EYS: variants seen among roughly 807,000 people sequenced by gnomAD.
EYS encodes the protein protein eyes shut homolog.
EYS carries 250 observed loss-of-function variants against 282.1 expected under a neutral mutation model. That is an observed-to-expected ratio of 0.89 (90% CI 0.80 to 0.98). EYS has a LOEUF of 0.98. Among genes scored for constraint, EYS ranks in the 50% least tolerant of loss-of-function variants. The probability of loss-of-function intolerance (pLI) is 0.00; values close to 1 mark genes in which losing one functional copy is unlikely to be tolerated. For missense variants in EYS, 4,016 were observed against 3,709.0 expected (o/e 1.08, Z -2.15); for synonymous variants, 1,355 against 1,282.9 (o/e 1.06, Z -1.20).
At chr6:65,592,435 T>G (rs2127368832) in intron 2 of EYS, among the ~76,000 whole-genome samples, 1 of 152,152 alleles carries the variant, frequency 6.6e-6, no homozygotes, top group South Asian at 2.1e-4. Flanking sequence ...CAAAGTTTCC[T>G]GTTTTATTGC....
chr6:63,757,234 A>C (rs1769511651), intron 41 of EYS, among the ~76,000 whole-genome samples: 2 of 152,026 alleles, frequency 1.3e-5, no homozygotes, highest in African/African-American at 4.8e-5. Flanking sequence ...GAGGTCTATA[A>C]ATGGCCGCTC....
chr6:64,132,510 TG>T (rs1274906257), intron 31 of EYS, among the ~76,000 whole-genome samples: 1 of 151,928 alleles, frequency 6.6e-6, no homozygotes, highest in Non-Finnish European at 1.5e-5. Flanking sequence ...TTTTCTTCTT[TG>T]AAAAGAGACA....
chr6:64,427,048 G>T (rs1774434882), intron 28 of EYS, among the ~76,000 whole-genome samples: 1 of 151,968 alleles, frequency 6.6e-6, no homozygotes, highest in African/African-American at 2.4e-5. Flanking sequence ...AAAATAACTA[G>T]ATCAATTTTT....
chr6:64,346,043 C>G (rs1273469539), intron 29 of EYS, among the ~76,000 whole-genome samples: 1 of 151,946 alleles, frequency 6.6e-6, no homozygotes, highest in African/African-American at 2.4e-5. Flanking sequence ...ATTAAAAAGT[C>G]AGGAAACAAC....
chr6:65,336,200 T>A (rs1381152059), intron 10 of EYS, among the ~76,000 whole-genome samples: 2 of 151,784 alleles, frequency 1.3e-5, no homozygotes, highest in African/African-American at 4.8e-5. Flanking sequence ...GAGAATTGAC[T>A]AATACACCCA....
rs1393467031 is a variant in EYS at position 64,002,717 on chromosome 6, A to T, written c.6726-3534T>A. ...AATGAAGATGATTTTGTGTGTGTGT[A>T]TATAGAGATAGGGTCCCACTATGTT... On this transcript the variant is annotated intron_variant, in intron 33 of 42. Coordinates refer to ENST00000503581, the MANE Select transcript of EYS (RefSeq NM_001142800.2). Among the ~76,000 whole-genome samples, 3 of 152,236 alleles carry T rather than the reference A, an allele frequency of 2.0e-5. No individual in the cohort carries two copies. In the East Asian group the frequency reaches 5.8e-4, roughly 29 times the overall value.
intron 28 of EYS, among the ~76,000 whole-genome samples, chr6:64,432,808 T>C (rs956691282): frequency 1.3e-5 from 2 of 152,042 alleles, no homozygotes; most frequent in Non-Finnish European, 2.9e-5. Context: ...TTTTGCTTCA[T>C]GACATACTCT....
At chr6:64,602,044 A>G (rs1766777901) in intron 24 of EYS, among the ~76,000 whole-genome samples, 1 of 152,074 alleles carries the variant, frequency 6.6e-6, no homozygotes, top group Non-Finnish European at 1.5e-5. Context: ...CTTTTCTACT[A>G]TCTACATTAT....
chr6:65,690,344 G>A (rs866699151), intron 1 of EYS, among the ~76,000 whole-genome samples: 4 of 149,934 alleles, frequency 2.7e-5, no homozygotes, highest in Middle Eastern at 3.4e-3. Flanking sequence ...TAGAAGACCC[G>A]TGGCAAGATG....
intron 29 of EYS, among the ~76,000 whole-genome samples, chr6:64,319,640 C>T (rs1475990019): frequency 5.3e-5 from 8 of 151,174 alleles, no homozygotes; most frequent in Non-Finnish European, 1.2e-4. Flanking sequence ...TATGTGTGTG[C>T]ATGTGTGTGT....
chr6:64,737,961 T>A (rs781572796), intron 22 of EYS, among the ~76,000 whole-genome samples: 13 of 152,192 alleles, frequency 8.5e-5, no homozygotes, highest in African/African-American at 1.2e-4. Flanking sequence ...TAACCAACCA[T>A]CGATGCTCAA....
chr6:63,799,022 AT>A (rs1194340720), intron 37 of EYS, among the ~76,000 whole-genome samples: 169 of 69,568 alleles, frequency 2.4e-3, no homozygotes, highest in Middle Eastern at 9.6e-3. Flanking sequence ...TATATATATA[AT>A]TTTTTTTTTT....
chr6:64,326,115 G>A (rs578152142), intron 29 of EYS, among the ~76,000 whole-genome samples: 1 of 151,986 alleles, frequency 6.6e-6, no homozygotes, highest in Non-Finnish European at 1.5e-5. Flanking sequence ...TCATGAAGAA[G>A]GAATTAATGA....
chr6:65,226,488 C>T (rs1027882879), intron 12 of EYS, among the ~76,000 whole-genome samples: 1 of 152,166 alleles, frequency 6.6e-6, no homozygotes, highest in African/African-American at 2.4e-5. Context: ...GGACATTTCT[C>T]TAAAGAAAAT....
At chr6:64,864,539 C>G (rs78233915) in intron 19 of EYS, among the ~76,000 whole-genome samples, 23,314 of 150,108 alleles carry the variant, frequency 0.16, 2,114 homozygotes, top group East Asian at 0.49. Flanking sequence ...GCACACGCCA[C>G]CATGCCCAGC....
chr6:65,699,421 T>C (rs1769573726), intron 1 of EYS, among the ~76,000 whole-genome samples: 1 of 151,248 alleles, frequency 6.6e-6, no homozygotes, highest in Admixed American at 6.6e-5. Context: ...TGGGCAATGG[T>C]AATTACAAAA....
intron 26 of EYS, among the ~76,000 whole-genome samples, chr6:64,445,516 A>G (rs1775091866): frequency 6.6e-6 from 1 of 152,152 alleles, no homozygotes; most frequent in Non-Finnish European, 1.5e-5. Context: ...AATTCCAAAT[A>G]GTTTCAGCAA....
At chr6:65,049,240 T>C (rs1287415941) in intron 13 of EYS, among the ~76,000 whole-genome samples, 4 of 151,840 alleles carry the variant, frequency 2.6e-5, no homozygotes, top group Non-Finnish European at 5.9e-5. Context: ...GTGACAGTTC[T>C]GGTTTGAATT....
chr6:64,235,072 ATTTTTTTATTTTTAT>A (rs1387895261), intron 30 of EYS, among the ~76,000 whole-genome samples: 11 of 136,556 alleles, frequency 8.1e-5, no homozygotes, highest in Non-Finnish European at 1.4e-4. Context: ...TTTATTTTTT[ATTTTTTTATTTTTAT>A]TTTTTTTAAT....
Sources: allele counts gnomAD v4.1 joint callset (sites outside exome capture counted in the v4.1 genomes callset), GRCh38; gene constraint gnomAD v4.1.1; transcripts MANE v1.5; gene names NCBI Gene and HGNC (gene_info 2026-07-23, HGNC 2026-07-21).